PIK3CB: variants seen among roughly 807,000 people sequenced by gnomAD.
PIK3CB encodes phosphatidylinositol 4,5-bisphosphate 3-kinase catalytic subunit beta isoform.
In PIK3CB, 39 loss-of-function variants were observed where a neutral mutation model predicts 136.8. The observed-to-expected ratio is 0.29, with a 90% CI of 0.22 to 0.37. PIK3CB has a LOEUF of 0.37. Ranked by LOEUF, PIK3CB falls within the 10% of genes least tolerant of loss-of-function variation. The pLI, the probability that PIK3CB is intolerant of heterozygous loss-of-function variation, is 1.00. For missense variants in PIK3CB, 868 were observed against 1,275.4 expected (o/e 0.68, Z 4.87); for synonymous variants, 428 against 436.6 (o/e 0.98, Z 0.25).
intron 14 of PIK3CB, among the ~76,000 whole-genome samples, chr3:138,693,281 A>AG (rs1221466648): frequency 1.3e-5 from 2 of 152,008 alleles, no homozygotes; most frequent in Non-Finnish European, 2.9e-5. Flanking sequence ...TTTTTGGTAG[A>AG]GACGGGGCTT....
rs1576438274 is a variant in PIK3CB, at chr3:138,830,130, CAA to C, written c.-122+4563_-122+4564del. On this transcript the variant is annotated intron_variant, in intron 1 of 23. Coordinates refer to ENST00000674063, the MANE Select transcript of PIK3CB (RefSeq NM_006219.3). ...TGAACTCAACAAGAGAAGGAAAAGT[CAA>C]AGAGAGTGAAGAGGAGGAAAGCCAT... Among the ~76,000 whole-genome samples the C allele has an allele frequency of 3.9e-5, 6 of 152,208 alleles. No homozygotes were observed. In the South Asian group the frequency reaches 1.2e-3, roughly 32 times the overall value.
At chr3:138,834,350 G>T (rs935825442) in intron 1 of PIK3CB, among the ~76,000 whole-genome samples, 1 of 152,372 alleles carries the variant, frequency 6.6e-6, no homozygotes, top group African/African-American at 2.4e-5. Flanking sequence ...CATAGACGCG[G>T]GGCGCGAGTA....
chr3:138,767,100 G>A (rs2108753962), intron 2 of PIK3CB, among the ~76,000 whole-genome samples: 1 of 152,166 alleles, frequency 6.6e-6, no homozygotes, highest in South Asian at 2.1e-4. Context: ...ATTGAACCTG[G>A]GAGGCAGAAG....
intron 2 of PIK3CB, among the ~76,000 whole-genome samples, chr3:138,786,265 CATGAG>C (rs1251703676): frequency 6.6e-6 from 1 of 152,158 alleles, no homozygotes; most frequent in Middle Eastern, 3.2e-3. Context: ...GATTTGTAGT[CATGAG>C]CTATATATAA....
chr3:138,705,314 T>C (rs758129640), intron 11 of PIK3CB, among the ~76,000 whole-genome samples: 1 of 151,540 alleles, frequency 6.6e-6, no homozygotes, highest in African/African-American at 2.4e-5. Context: ...AACATGATAA[T>C]AGTCACAGCT....
chr3:138,682,595 T>C (rs948059624), intron 18 of PIK3CB, among the ~76,000 whole-genome samples: 10 of 152,224 alleles, frequency 6.6e-5, no homozygotes, highest in African/African-American at 2.2e-4. Flanking sequence ...ATCACGTAAG[T>C]AACTGCATCA....
chr3:138,763,939 C>T (rs1010894294), intron 2 of PIK3CB, among the ~76,000 whole-genome samples: 3 of 151,428 alleles, frequency 2.0e-5, no homozygotes, highest in Non-Finnish European at 2.9e-5. Flanking sequence ...GGTGAAAACC[C>T]GTCTCTGTTA....
chr3:138,665,976 T>C (rs572301997), intron 19 of PIK3CB, among the ~76,000 whole-genome samples: 3 of 152,320 alleles, frequency 2.0e-5, no homozygotes, highest in East Asian at 3.9e-4. Context: ...ACAGCAACTT[T>C]AACTGAAAAG....
chr3:138,678,046 G>C (rs940381280), intron 19 of PIK3CB, among the ~76,000 whole-genome samples: 1 of 152,172 alleles, frequency 6.6e-6, no homozygotes, highest in African/African-American at 2.4e-5. Context: ...ACTGAGGTGG[G>C]AGGATCGCTT....
intron 1 of PIK3CB, among the ~76,000 whole-genome samples, chr3:138,805,270 T>G (rs1576423578): frequency 6.7e-6 from 1 of 149,896 alleles, no homozygotes; most frequent in Admixed American, 6.7e-5. Context: ...GAGGCGGAGG[T>G]TGCAGAGAGC....
intron 1 of PIK3CB, chr3:138,824,986 G>C: frequency 4.9e-6 from 1 of 203,636 alleles, no homozygotes; most frequent in Non-Finnish European, 1.0e-5. Context: ...CTTGAACCTG[G>C]GGAGGTCAAG....
At chr3:138,790,707 G>C (rs926071799) in intron 2 of PIK3CB, among the ~76,000 whole-genome samples, 1 of 151,230 alleles carries the variant, frequency 6.6e-6, no homozygotes, top group Non-Finnish European at 1.5e-5. Flanking sequence ...CCAGCTACTC[G>C]GGAGGCTGAG....
intron 18 of PIK3CB, 81 bp downstream of exon 18, chr3:138,683,597 A>G (rs1217941176): frequency 1.3e-6 from 1 of 786,434 alleles, no homozygotes; most frequent in Non-Finnish European, 2.2e-6. Context: ...CACTTACACT[A>G]CACATCACCT....
intron 14 of PIK3CB, among the ~76,000 whole-genome samples, chr3:138,692,022 TGGG>T (rs2044019671): frequency 6.6e-6 from 1 of 152,212 alleles, no homozygotes; most frequent in African/African-American, 2.4e-5. Flanking sequence ...CATTTATAAG[TGGG>T]AATTGATCAT....
intron 2 of PIK3CB, among the ~76,000 whole-genome samples, chr3:138,775,487 C>A (rs867103537): frequency 6.6e-6 from 1 of 152,080 alleles, no homozygotes; most frequent in Non-Finnish European, 1.5e-5. Context: ...TTTACCTCGA[C>A]CTCCCAGAGC....
chr3:138,680,091 G>C (rs1199586683), intron 19 of PIK3CB, among the ~76,000 whole-genome samples: 1 of 152,016 alleles, frequency 6.6e-6, no homozygotes, highest in South Asian at 2.1e-4. Context: ...AGGGGGCGGC[G>C]ACTCACGCCT....
intron 1 of PIK3CB, among the ~76,000 whole-genome samples, chr3:138,807,562 C>T (rs2046247932): frequency 6.6e-6 from 1 of 151,976 alleles, no homozygotes. Flanking sequence ...ATGGTACATC[C>T]ACATAACGGA....
intron 8 of PIK3CB, among the ~76,000 whole-genome samples, chr3:138,729,544 A>G (rs545581225): frequency 6.6e-6 from 1 of 152,208 alleles, no homozygotes; most frequent in East Asian, 1.9e-4. Context: ...CTCCCCAAGT[A>G]AGACAGAATT....
chr3:138,818,852 A>G (rs1316972297), intron 1 of PIK3CB, among the ~76,000 whole-genome samples: 1 of 152,224 alleles, frequency 6.6e-6, no homozygotes, highest in Non-Finnish European at 1.5e-5. Context: ...TGTATATGTT[A>G]TATAGAGTCT....
Sources: gnomAD v4.1 joint callset for allele counts (sites outside exome capture counted in the v4.1 genomes callset) on GRCh38, gnomAD v4.1.1 for gene constraint, MANE v1.5 for transcripts, NCBI Gene and HGNC (gene_info 2026-07-23, HGNC 2026-07-21) for gene names.